RBFOX1: variants seen among roughly 807,000 people sequenced by gnomAD.
The protein encoded by RBFOX1 is RNA binding protein fox-1 homolog 1.
A neutral mutation model predicts 57.7 loss-of-function variants in RBFOX1; 8 were observed. The observed-to-expected ratio is 0.14, with a 90% CI of 0.08 to 0.25. RBFOX1 has a LOEUF of 0.25. RBFOX1 is among the 10% of genes least tolerant of loss of function. The probability of loss-of-function intolerance (pLI) is 1.00; values close to 1 mark genes in which losing one functional copy is unlikely to be tolerated. For missense variants in RBFOX1, 611 were observed against 548.5 expected (o/e 1.11, Z -1.14); for synonymous variants, 326 against 222.4 (o/e 1.47, Z -4.15).
chr16:5,697,759 C>G lies in RBFOX1; in HGVS notation c.318+98798C>G, dbSNP rs141403912. Among the ~76,000 whole-genome samples, 1,005 of 152,128 alleles carry G rather than the reference C, an allele frequency of 6.6e-3. 33 individuals are homozygous for G. In the South Asian group the frequency reaches 0.076, roughly 11 times the overall value. Reference sequence around the variant, plus strand: ...ATATTGGCCAGGCTGGTCTCGAACTCCTGTCCTCATGATCTGCCTGCCTCA... The same window carrying G: ...ATATTGGCCAGGCTGGTCTCGAACTGCTGTCCTCATGATCTGCCTGCCTCA... On this transcript the variant is annotated intron_variant, in intron 3 of 19. Transcript: ENST00000641259.
intron 1 of RBFOX1, among the ~76,000 whole-genome samples, chr16:5,343,407 C>G (rs2065075149): frequency 6.6e-6 from 1 of 151,136 alleles, no homozygotes; most frequent in South Asian, 2.1e-4. Flanking sequence ...CTCTATCTCC[C>G]AGGTTCACAC....
At chr16:7,353,304 A>G (rs138186731) in intron 4 of RBFOX1, among the ~76,000 whole-genome samples, 331 of 152,344 alleles carry the variant, frequency 2.2e-3, no homozygotes, top group African/African-American at 7.6e-3. Context: ...TAAAAAAGAT[A>G]GACAGCAAGA....
chr16:6,780,434 A>ATATATT (rs2080746211), intron 3 of RBFOX1, among the ~76,000 whole-genome samples: 1 of 102,386 alleles, frequency 9.8e-6, no homozygotes, highest in African/African-American at 4.5e-5. Context: ...ATATATTTAT[A>ATATATT]GATATATTTA....
intron 2 of RBFOX1, among the ~76,000 whole-genome samples, chr16:6,413,024 T>A (rs1287479943): frequency 1.3e-5 from 2 of 152,128 alleles, no homozygotes; most frequent in South Asian, 2.1e-4. Flanking sequence ...CAGCTATTTT[T>A]AAAAAAAATT....
chr16:7,099,504 A>G (rs1599471300), intron 4 of RBFOX1, among the ~76,000 whole-genome samples: 1 of 152,160 alleles, frequency 6.6e-6, no homozygotes, highest in Non-Finnish European at 1.5e-5. Context: ...TTCTCCTATT[A>G]CTTATAAACC....
At chr16:6,829,110 A>G (rs1350090581) in intron 3 of RBFOX1, among the ~76,000 whole-genome samples, 1 of 152,160 alleles carries the variant, frequency 6.6e-6, no homozygotes, top group African/African-American at 2.4e-5. Flanking sequence ...GCCCACTAGT[A>G]TCAGTAGAGT....
chr16:6,565,057 G>A (rs1217508680), intron 2 of RBFOX1, among the ~76,000 whole-genome samples: 1 of 149,744 alleles, frequency 6.7e-6, no homozygotes, highest in African/African-American at 2.5e-5. Context: ...CTTGAACCCA[G>A]GAGACAGAGG....
At chr16:6,291,648 G>A (rs146207459) in intron 1 of RBFOX1, among the ~76,000 whole-genome samples, 331 of 152,256 alleles carry the variant, frequency 2.2e-3, no homozygotes, top group African/African-American at 7.5e-3. Flanking sequence ...ATCCTTTGCC[G>A]TATTGTCTAC....
At chr16:7,139,090 C>T (rs992550712) in intron 4 of RBFOX1, among the ~76,000 whole-genome samples, 2 of 152,016 alleles carry the variant, frequency 1.3e-5, no homozygotes, top group Admixed American at 6.6e-5. Flanking sequence ...AGGCATGAGC[C>T]ACCATGCATG....
At chr16:5,497,915 G>C (rs1056434702) in intron 2 of RBFOX1, among the ~76,000 whole-genome samples, 1 of 152,160 alleles carries the variant, frequency 6.6e-6, no homozygotes, top group Non-Finnish European at 1.5e-5. Flanking sequence ...TGGAGTGGAC[G>C]CATAAAAGAT....
At chr16:6,892,630 A>G (rs900366727) in intron 3 of RBFOX1, among the ~76,000 whole-genome samples, 2 of 152,192 alleles carry the variant, frequency 1.3e-5, no homozygotes, top group African/African-American at 2.4e-5. Context: ...AGATTGCACC[A>G]CTGTACTCCA....
At chr16:7,005,080 G>A (rs1255958839) in intron 3 of RBFOX1, among the ~76,000 whole-genome samples, 1 of 152,166 alleles carries the variant, frequency 6.6e-6, no homozygotes, top group Non-Finnish European at 1.5e-5. Context: ...GGAGGCAGAA[G>A]TTGCAGTCAG....
chr16:7,092,214 G>C (rs1285854094), intron 4 of RBFOX1, among the ~76,000 whole-genome samples: 3 of 152,044 alleles, frequency 2.0e-5, no homozygotes, highest in African/African-American at 7.2e-5. Context: ...TTATTAGTAG[G>C]GTTTGTTGTT....
At chr16:7,549,140 C>T (rs1301363819) in intron 5 of RBFOX1, among the ~76,000 whole-genome samples, 1 of 152,176 alleles carries the variant, frequency 6.6e-6, no homozygotes, top group Non-Finnish European at 1.5e-5. Context: ...GCAGAGGTTC[C>T]AGAGAGAAGA....
chr16:7,306,488 G>A (rs564918869), intron 4 of RBFOX1, among the ~76,000 whole-genome samples: 1 of 152,028 alleles, frequency 6.6e-6, no homozygotes, highest in African/African-American at 2.4e-5. Flanking sequence ...ATGTGCTTTG[G>A]AATGCATCTC....
chr16:6,823,050 C>T (rs764037999), intron 3 of RBFOX1, among the ~76,000 whole-genome samples: 2 of 152,012 alleles, frequency 1.3e-5, no homozygotes, highest in Non-Finnish European at 1.5e-5. Flanking sequence ...TTGTTATTGG[C>T]ATGTGTGTTG....
At chr16:7,604,738 A>C (rs1377997880) in intron 9 of RBFOX1, among the ~76,000 whole-genome samples, 1 of 152,228 alleles carries the variant, frequency 6.6e-6, no homozygotes, top group Non-Finnish European at 1.5e-5. Context: ...AGAAAATGAG[A>C]GATCATTGGC....
chr16:6,385,814 T>C (rs181496991), intron 2 of RBFOX1, among the ~76,000 whole-genome samples: 31 of 152,352 alleles, frequency 2.0e-4, no homozygotes, highest in Non-Finnish European at 3.4e-4. Flanking sequence ...AATTATCAGA[T>C]TCTAGTACCA....
rs139746005 is a variant in RBFOX1, at chr16:5,622,842, C to T, written c.318+23881C>T. 3.9e-3 allele frequency among the ~76,000 whole-genome samples: 593 copies of T among 152,282 alleles called. 5 individuals carry two copies. Among genetic ancestry groups the T allele is most frequent in the African/African-American group, 0.013 (540 of 41,560 alleles). ...CGATTCAAAAATATCCTTACGTGTA[C>T]GATGGCTGCGTCTGAACCCAACATG... On this transcript the variant is annotated intron_variant, in intron 3 of 19. Coordinates refer to the RBFOX1 transcript ENST00000641259.
Sources: allele counts gnomAD v4.1 joint callset (sites outside exome capture counted in the v4.1 genomes callset), GRCh38; gene constraint gnomAD v4.1.1; transcripts MANE v1.5; gene names NCBI Gene and HGNC (gene_info 2026-07-23, HGNC 2026-07-21).